The following SLC34A2 variants were observed in gnomAD, a reference collection of about 807,000 sequenced individuals.
The protein encoded by SLC34A2 is sodium-dependent phosphate transport protein 2B.
In SLC34A2, 41 loss-of-function variants were observed where a neutral mutation model predicts 50.8. That is an observed-to-expected ratio of 0.81 (90% confidence interval 0.63 to 1.05). The LOEUF (loss-of-function observed/expected upper bound fraction) is 1.05, where lower values mean the gene tolerates loss of function less well. SLC34A2 is among the 50% of genes least tolerant of loss of function. The pLI, the probability that SLC34A2 is intolerant of heterozygous loss-of-function variation, is 0.00. For synonymous variants in SLC34A2, 401 were observed against 364.2 expected (o/e 1.10, Z -1.15); for missense variants, 879 against 876.7 (o/e 1.00, Z -0.03).
At position 25,674,219 on chromosome 4, in the gene SLC34A2, A is replaced by C; in HGVS notation, c.1217-77A>C. ...GGGATGATGTACAACCTCACCCCTA[A>C]GCCCAGCCCCTACCCCAGGCCACCA... On this transcript the variant is annotated intron_variant, in intron 10 of 12. Transcript: ENST00000382051. 6.7e-6 allele frequency: 7 copies of C among 1,040,036 alleles called. No homozygotes were observed. The South Asian group carries it at 9.0e-5, about 13-fold the overall frequency. 64.4% of individuals were successfully genotyped at this position (1,040,036 alleles called of 1,614,324 possible).
chr4:25,673,692 T>A (rs1032939771), intron 10 of SLC34A2, among the ~76,000 whole-genome samples: 1 of 152,120 alleles, frequency 6.6e-6, no homozygotes, highest in African/African-American at 2.4e-5. Context: ...CTAAGAGGAT[T>A]TCCTGCCAAG....
At chr4:25,670,595 A>G in intron 7 of SLC34A2, 143 bp from the exon 8 acceptor site, 1 of 695,896 alleles carries the variant, frequency 1.4e-6, no homozygotes, top group Non-Finnish European at 2.6e-6. Flanking sequence ...GCCTCTGCAG[A>G]TAGAGTGAGT....
intron 10 of SLC34A2, 137 bp downstream of exon 10, chr4:25,673,391 G>A: frequency 1.1e-6 from 1 of 896,674 alleles, no homozygotes; most frequent in Non-Finnish European, 1.8e-6. Context: ...AAGTGAGGAT[G>A]TCATTCACCT....
At chr4:25,663,411 A>G (rs1030719835) in intron 3 of SLC34A2, among the ~76,000 whole-genome samples, 1 of 152,160 alleles carries the variant, frequency 6.6e-6, no homozygotes, top group Non-Finnish European at 1.5e-5. Flanking sequence ...TGCTTTGGAG[A>G]TGCTGTGGAT....
At chr4:25,670,314 T>A (rs1022180289) in intron 7 of SLC34A2, among the ~76,000 whole-genome samples, 4 of 152,234 alleles carry the variant, frequency 2.6e-5, no homozygotes, top group Admixed American at 2.6e-4. Context: ...ATAGAGTGAC[T>A]GACCTTGATG....
intron 1 of SLC34A2, 40 bp from the exon 2 acceptor site, chr4:25,662,457 CT>C: frequency 6.4e-7 from 1 of 1,570,148 alleles, no homozygotes; most frequent in East Asian, 2.2e-5. Context: ...GGTGTGCCTC[CT>C]TTCCATGACT....
At position 25,673,127 on chromosome 4, in the gene SLC34A2, T is replaced by A; in HGVS notation, c.1089T>A (p.Ala363=). ...IFVNFHLPDL[A]VGTILLILSL... is the part of the protein sequence containing the mutation. Reference sequence around the variant, plus strand: ...TGAATTTCCACCTCCCGGATCTTGCTGTGGGCACCATCTTGCTCATACTCT... The same window carrying A: ...TGAATTTCCACCTCCCGGATCTTGCAGTGGGCACCATCTTGCTCATACTCT... The change falls in exon 10 of 13, where the codon GCT becomes GCA. Residue 363 remains alanine, a synonymous_variant. Coordinates refer to ENST00000382051, the MANE Select transcript of SLC34A2 (RefSeq NM_006424.3). 6.2e-7 allele frequency: 1 copy of A among 1,614,152 alleles called. No homozygotes were observed. The highest frequency in any genetic ancestry group is 8.5e-7 in the Non-Finnish European group (1 of 1,180,028).
intron 4 of SLC34A2, among the ~76,000 whole-genome samples, chr4:25,664,572 A>G (rs980617932): frequency 1.3e-5 from 2 of 152,228 alleles, no homozygotes; most frequent in Non-Finnish European, 2.9e-5. Flanking sequence ...AGACTATTCC[A>G]AGCTATCCGC....
chr4:25,676,345 G>C lies in SLC34A2; in HGVS notation c.1669G>C (p.Gly557Arg), dbSNP rs763108345. 9 of 1,614,180 alleles carry C rather than the reference G, an allele frequency of 5.6e-6. No homozygotes were observed. Among genetic ancestry groups the C allele is most frequent in the Non-Finnish European group, 6.8e-6 (8 of 1,180,044 alleles). Reference sequence around the variant, plus strand: ...GCTGGCCGGCTGGCGGGTGCTGGTTGGTGTCGGGGTTCCCGTCGTCTTCAT... The same window carrying C: ...GCTGGCCGGCTGGCGGGTGCTGGTTCGTGTCGGGGTTCCCGTCGTCTTCAT... ...LSLAGWRVLV[G>R]VGVPVVFIII... The change falls in exon 13 of 13, where the codon GGT becomes CGT. Residue 557 changes from glycine (G) to arginine (R), a missense_variant. By Grantham distance (125) the Gly-to-Arg change is moderately radical (BLOSUM62 -2). Transcript: ENST00000382051.
At chr4:25,670,034 C>A (rs1457643933) in intron 7 of SLC34A2, among the ~76,000 whole-genome samples, 192 bp downstream of exon 7, 1 of 152,114 alleles carries the variant, frequency 6.6e-6, no homozygotes, top group East Asian at 1.9e-4. Flanking sequence ...ACCAGCCTGG[C>A]CAACATGGCA....
At chr4:25,661,237 GAC>G (rs1191024942) in intron 1 of SLC34A2, among the ~76,000 whole-genome samples, 6 of 152,138 alleles carry the variant, frequency 3.9e-5, no homozygotes, top group African/African-American at 1.4e-4. Flanking sequence ...TGGAGAAACT[GAC>G]ACTTTATGCT....
intron 1 of SLC34A2, among the ~76,000 whole-genome samples, chr4:25,657,819 A>G (rs1577487031): frequency 6.6e-6 from 1 of 152,166 alleles, no homozygotes; most frequent in South Asian, 2.1e-4. Flanking sequence ...TCTCAAACTC[A>G]CAGGTTCAAG....
Position 25,662,606 on chromosome 4 carries a change from A to G in SLC34A2, c.106A>G (p.Asn36Asp). The G allele has an allele frequency of 6.2e-7, 1 of 1,614,066 alleles. No homozygotes were observed. The highest frequency in any genetic ancestry group is 2.2e-5 in the East Asian group (1 of 44,852). The change falls in exon 2 of 13, where the codon AAC becomes GAC. Residue 36 changes from asparagine (N) to aspartate (D), a missense_variant. Physicochemically the swap from Asn to Asp is conservative, Grantham distance 23. Transcript: ENST00000382051. ...PTAPDKSKET[N>D]KTDNTEAPVT... ...TGCCCCTGATAAAAGCAAAGAGACC[A>G]ACAAAAGTAAGTGTCGCTCGTTTGT...
intron 9 of SLC34A2, 37 bp downstream of exon 9, chr4:25,671,758 T>C: frequency 6.2e-7 from 1 of 1,613,810 alleles, no homozygotes; most frequent in Non-Finnish European, 8.5e-7. Context: ...CTATGACAGG[T>C]GTTGTCTGGG....
chr4:25,674,479 ATGTTTGTGTTT>A lies in SLC34A2; in HGVS notation c.1334-22_1334-12del. On this transcript the variant is annotated splice_polypyrimidine_tract_variant and intron_variant, in intron 11 of 12. Transcript: ENST00000382051. ...TTTCCTGTCATCCCATGGGGCTGAT[ATGTTTGTGTTT>A]TGTGTTTCCCCCAGGAATCGGCGTG... is the stretch of plus-strand genomic sequence containing the variant. 6.2e-7 allele frequency: 1 copy of A among 1,614,048 alleles called. No individual in the cohort carries two copies. Among genetic ancestry groups the A allele is most frequent in the Non-Finnish European group, 8.5e-7 (1 of 1,180,016 alleles).
At chr4:25,667,752 A>G in intron 5 of SLC34A2, 128 bp from the exon 6 acceptor site, 1 of 705,614 alleles carries the variant, frequency 1.4e-6, no homozygotes, top group Non-Finnish European at 2.6e-6. Flanking sequence ...AGGTGCAAAA[A>G]AAAAGTTTAA....
At position 25,665,081 on chromosome 4, in the gene SLC34A2, G is replaced by A. The variant is rs138751494; in HGVS notation, c.379+751G>A. The A allele has an allele frequency of 1.8e-3, 407 of 221,364 alleles. 5 individuals carry two copies. Among genetic ancestry groups the A allele is most frequent in the African/African-American group, 7.3e-3 (327 of 44,534 alleles). The allele number at this position is 221,364 out of a possible 1,614,324, so 13.7% of individuals were successfully genotyped here. On this transcript the variant is annotated intron_variant, in intron 4 of 12. Coordinates refer to ENST00000382051, the MANE Select transcript of SLC34A2 (RefSeq NM_006424.3). ...CTGCAACCCTTGGTGCCTTTCTTGGGAACCCATCTGTGTGACTTGGGAGAG... is the reference window on the plus strand; with the variant it reads ...CTGCAACCCTTGGTGCCTTTCTTGGAAACCCATCTGTGTGACTTGGGAGAG...
In SLC34A2 at chr4:25,678,748, A is replaced by C. The variant is rs917590660; in HGVS notation, c.*1999A>C. On this transcript the variant is annotated 3_prime_UTR_variant, in exon 13 of 13. Transcript: ENST00000382051. ...GAGAAATAAAATCATCAAACCCAAAAGGAGTGTGTTGTTTTTAATTACAGG... is the reference window on the plus strand; with the variant it reads ...GAGAAATAAAATCATCAAACCCAAACGGAGTGTGTTGTTTTTAATTACAGG... 1 of 542,046 alleles carries C rather than the reference A, an allele frequency of 1.8e-6. No homozygotes were observed. Among genetic ancestry groups the C allele is most frequent in the African/African-American group, 1.9e-5 (1 of 52,482 alleles). 33.6% of individuals were successfully genotyped at this position (542,046 alleles called of 1,614,324 possible).
rs1273250039 is a variant in SLC34A2 at position 25,671,600 on chromosome 4, G to A, written c.928-1G>A. 1.2e-6 allele frequency: 2 copies of A among 1,614,054 alleles called. No individual in the cohort carries two copies. The highest frequency in any genetic ancestry group is 1.7e-6 in the Non-Finnish European group (2 of 1,179,986). Reference sequence around the variant, plus strand: ...GGGCATTTGTCATGTTTGTCATCCAGACCCAGATTAACGTCACTGTTCCCT... The same window carrying A: ...GGGCATTTGTCATGTTTGTCATCCAAACCCAGATTAACGTCACTGTTCCCT... On this transcript the variant is annotated splice_acceptor_variant, in intron 8 of 12. Coordinates refer to ENST00000382051, the MANE Select transcript of SLC34A2 (RefSeq NM_006424.3). LOFTEE classifies it high-confidence loss of function.
Sources: gnomAD v4.1 joint callset for allele counts (sites outside exome capture counted in the v4.1 genomes callset) on GRCh38, gnomAD v4.1.1 for gene constraint, MANE v1.5 for transcripts, NCBI Gene and HGNC (gene_info 2026-07-23, HGNC 2026-07-21) for gene names.